The following NR4A2 variants were observed in gnomAD, a reference collection of about 807,000 sequenced individuals.
NR4A2 encodes nuclear receptor subfamily 4 group A member 2.
A neutral mutation model predicts 50.5 loss-of-function variants in NR4A2; 1 was observed. The observed-to-expected ratio is 0.02, with a 90% CI of 0.01 to 0.09. NR4A2 has a LOEUF of 0.09. Among genes scored for constraint, NR4A2 ranks in the 10% least tolerant of loss-of-function variants. NR4A2 has a pLI of 1.00. For missense variants in NR4A2, 613 were observed against 777.3 expected (o/e 0.79, Z 2.51); for synonymous variants, 328 against 309.4 (o/e 1.06, Z -0.63).
Position 156,332,567 on chromosome 2 carries a change from GGT to G in NR4A2, c.-216_-215del. On this transcript the variant is annotated 5_prime_UTR_variant, in exon 1 of 8. Transcript: ENST00000339562. Reference sequence around the variant, plus strand: ...AGCCCGGGCGCCGGGGTCGGGTAGGGGTGGGAGAGCTGGGCGAAGGGAACCCG... The same window carrying G: ...AGCCCGGGCGCCGGGGTCGGGTAGGGGGGAGAGCTGGGCGAAGGGAACCCG... 8.2e-7 allele frequency: 1 copy of G among 1,221,682 alleles called. No homozygotes were observed. Among genetic ancestry groups the G allele is most frequent in the South Asian group, 1.3e-5 (1 of 79,590 alleles). The allele number at this position is 1,221,682 out of a possible 1,614,324, so 75.7% of individuals were successfully genotyped here. A position where few individuals can be genotyped will look rare whatever the true frequency, so the allele number is the denominator to read the frequency against.
intron 1 of NR4A2, 135 bp from the exon 2 acceptor site, chr2:156,330,926 A>AAT (rs1686895487): frequency 1.5e-6 from 1 of 646,164 alleles, no homozygotes; most frequent in Admixed American, 4.3e-5. Flanking sequence ...GCCTTTACCA[A>AAT]ACATAGCACT....
Position 156,332,627 on chromosome 2 carries a change from C to T in NR4A2, c.-274G>A. ...CACGGAGGGAGGGAGCAGGGACAGG[C>T]GGCCGGCTGGACAGGCAAAAGGGAC... On this transcript the variant is annotated 5_prime_UTR_variant, in exon 1 of 8. Coordinates refer to ENST00000339562, the MANE Select transcript of NR4A2 (RefSeq NM_006186.4). 1.6e-5 allele frequency: 10 copies of T among 618,734 alleles called. No individual in the cohort carries two copies. Among genetic ancestry groups the T allele is most frequent in the South Asian group, 1.5e-4 (10 of 67,264 alleles). The allele number at this position is 618,734 out of a possible 1,614,324, so 38.3% of individuals were successfully genotyped here.
rs1162394917 is a variant in NR4A2 at position 156,325,105 on chromosome 2, C to T, written c.*639G>A. 6.6e-6 allele frequency: 1 copy of T among 152,412 alleles called. No individual in the cohort carries two copies. Among genetic ancestry groups the T allele is most frequent in the African/African-American group, 2.4e-5 (1 of 41,332 alleles). The allele number at this position is 152,412 out of a possible 1,614,324, so 9.4% of individuals were successfully genotyped here. On this transcript the variant is annotated 3_prime_UTR_variant, in exon 8 of 8. Transcript: ENST00000339562. ...TATTTATTTTCTTTTTTTTTGCAAACACACTTATCTTTTAGAATTTGTAAT... is the reference window on the plus strand; with the variant it reads ...TATTTATTTTCTTTTTTTTTGCAAATACACTTATCTTTTAGAATTTGTAAT...
chr2:156,325,905 A>T lies in NR4A2; in HGVS notation c.1636T>A (p.Leu546Met). The T allele has an allele frequency of 6.2e-7, 1 of 1,614,018 alleles. No homozygotes were observed. The highest frequency in any genetic ancestry group is 8.5e-7 in the Non-Finnish European group (1 of 1,180,014). Reference protein sequence around the residue: ...KDHVTFNNGGLNRPNYLSKLL... With the variant: ...KDHVTFNNGGMNRPNYLSKLL... ...TTGGACAAATAATTGGGGCGGTTCAACCCCCCATTGTTGAAAGTCACGTGG... is the reference window on the plus strand; with the variant it reads ...TTGGACAAATAATTGGGGCGGTTCATCCCCCCATTGTTGAAAGTCACGTGG... Residue 546 changes from leucine (L) to methionine (M), a missense_variant, in exon 8 of 8, where the codon TTG becomes ATG. Around this residue, in one of 4 missense-constraint regions of NR4A2, gnomAD observed 250 missense variants for 311.3 expected, o/e 0.80. Coordinates refer to ENST00000339562, the MANE Select transcript of NR4A2 (RefSeq NM_006186.4).
chr2:156,326,210 G>T lies in NR4A2; in HGVS notation c.1480C>A (p.Gln494Lys). The T allele has an allele frequency of 6.2e-7, 1 of 1,614,178 alleles. No individual in the cohort carries two copies. The highest frequency in any genetic ancestry group is 2.2e-5 in the East Asian group (1 of 44,882). Residue 494 changes from glutamine (Q) to lysine (K), a missense_variant, in exon 7 of 8, where the codon CAG becomes AAG. Physicochemically the swap from Gln to Lys is moderately conservative, Grantham distance 53. This residue lies in a region of NR4A2 where 250 missense variants were observed against 311.3 expected (regional missense o/e 0.80). Transcript: ENST00000339562. The surrounding 1 kb of genome is among the most constrained non-coding windows in gnomAD (Gnocchi z 4.2). ...GCAGAAATGTCGATGTTCATATTCT[G>T]CAAGTTGGAGGAGAATTCAACAATG... The part of the protein sequence containing the change: ...DSIVEFSSNL[Q>K]NMNIDISAFS...
chr2:156,330,594 G>C (rs987847137), intron 2 of NR4A2, 74 bp downstream of exon 2: 2 of 1,382,272 alleles, frequency 1.4e-6, no homozygotes, highest in Non-Finnish European at 1.9e-6. Context: ...TTAAGTTACA[G>C]GGTTTGCCTT....
intron 2 of NR4A2, among the ~76,000 whole-genome samples, chr2:156,330,465 G>A (rs1243963803): frequency 6.6e-6 from 1 of 152,136 alleles, no homozygotes; most frequent in Non-Finnish European, 1.5e-5. Context: ...ATCCCACTCA[G>A]ATGAGCCTCT....
rs1686851870 is a variant in NR4A2, at chr2:156,329,988, A to G, written c.199T>C (p.Tyr67His). The G allele has an allele frequency of 6.2e-7, 1 of 1,614,198 alleles. No homozygotes were observed. The highest frequency in any genetic ancestry group is 1.3e-5 in the African/African-American group (1 of 75,024). The change falls in exon 3 of 8, where the codon TAC (tyrosine) becomes CAC (histidine). Residue 67 changes from tyrosine (Y) to histidine (H), a missense_variant. Coordinates refer to ENST00000339562, the MANE Select transcript of NR4A2 (RefSeq NM_006186.4). This position sits in a 1 kb window ranked among gnomAD's most constrained non-coding sequence, Gnocchi z 7.5. ...LPSFSTFMDN[Y>H]STGYDVKPPC... is the part of the protein sequence containing the mutation. ...GGCTTGACGTCGTAGCCTGTGCTGT[A>G]GTTGTCCATAAAGGTACTGAAGCTG...
chr2:156,330,578 C>T, intron 2 of NR4A2, 90 bp downstream of exon 2: 2 of 1,365,402 alleles, frequency 1.5e-6, no homozygotes, highest in Non-Finnish European at 1.9e-6. Context: ...ATGGGTCGGG[C>T]AAACCTTAAG....
chr2:156,332,559 C>T lies in NR4A2; in HGVS notation c.-206G>A, dbSNP rs761916411. 3 of 1,265,398 alleles carry T rather than the reference C, an allele frequency of 2.4e-6. No homozygotes were observed. Among genetic ancestry groups the T allele is most frequent in the South Asian group, 1.2e-5 (1 of 80,540 alleles). 78.4% of individuals were successfully genotyped at this position (1,265,398 alleles called of 1,614,324 possible). On this transcript the variant is annotated 5_prime_UTR_variant, in exon 1 of 8. Coordinates refer to ENST00000339562, the MANE Select transcript of NR4A2 (RefSeq NM_006186.4). Reference sequence around the variant, plus strand: ...CCTCTGGGAGCCCGGGCGCCGGGGTCGGGTAGGGGTGGGAGAGCTGGGCGA... The same window carrying T: ...CCTCTGGGAGCCCGGGCGCCGGGGTTGGGTAGGGGTGGGAGAGCTGGGCGA...
Position 156,328,342 on chromosome 2 carries a change from G to C in NR4A2, c.994+62C>G, listed in dbSNP as rs1686751389. 5 of 1,612,326 alleles carry C rather than the reference G, an allele frequency of 3.1e-6. No homozygotes were observed. The East Asian group carries it at 1.1e-4, about 36-fold the overall frequency. On this transcript the variant is annotated intron_variant, in intron 4 of 7. Transcript: ENST00000339562. This position sits in a 1 kb window ranked among gnomAD's most constrained non-coding sequence, Gnocchi z 4.9. ...CACCGGGAAGTGGAACGTGATGCTG[G>C]AGTATGAGCAGTGGTTTCCTAAAGG... is the stretch of plus-strand genomic sequence containing the variant.
intron 1 of NR4A2, among the ~76,000 whole-genome samples, chr2:156,331,233 G>C (rs1686909533): frequency 6.6e-6 from 1 of 152,250 alleles, no homozygotes; most frequent in East Asian, 1.9e-4. Context: ...TAGAGGGGAA[G>C]AAAGTAGAAG....
At position 156,331,579 on chromosome 2, in the gene NR4A2, C is replaced by T. The variant is rs556299393; in HGVS notation, c.-126-788G>A. 3.2e-4 allele frequency among the ~76,000 whole-genome samples: 49 copies of T among 152,340 alleles called. No homozygotes were observed. The East Asian group carries it at 3.7e-3, about 11-fold the overall frequency. ...CAGCACAGCAAGATGAACACCTTCC[C>T]CATAATGCCTTCCACAATCTGCCTT... is the stretch of plus-strand genomic sequence containing the variant. On this transcript the variant is annotated intron_variant, in intron 1 of 7. Coordinates refer to ENST00000339562, the MANE Select transcript of NR4A2 (RefSeq NM_006186.4).
In NR4A2 at chr2:156,326,361, AAAAG is replaced by A. The variant is rs1686642625; in HGVS notation, c.1362-37_1362-34del. 3 of 1,587,826 alleles carry A rather than the reference AAAAG, an allele frequency of 1.9e-6. No individual in the cohort carries two copies. The East Asian group carries it at 6.7e-5, about 35-fold the overall frequency. ...TAATACCAAAGAGAGAGAGGGGAGA[AAAAG>A]AGAGAGAGAAAAGCTAAACAACTAA... On this transcript the variant is annotated intron_variant, in intron 6 of 7. Coordinates refer to ENST00000339562, the MANE Select transcript of NR4A2 (RefSeq NM_006186.4). The surrounding 1 kb of genome is among the most constrained non-coding windows in gnomAD (Gnocchi z 4.2).
chr2:156,330,831 A>C, intron 1 of NR4A2, 40 bp from the exon 2 acceptor site: 1 of 1,239,886 alleles, frequency 8.1e-7, no homozygotes, highest in Non-Finnish European at 1.0e-6. Flanking sequence ...TTTCTTCCCG[A>C]CAGAGATTCA....
Position 156,330,093 on chromosome 2 carries a change from A to G in NR4A2, c.94T>C (p.Ser32Pro). The change falls in exon 3 of 8, where the codon TCC becomes CCC. Residue 32 changes from serine (S) to proline (P), a missense_variant. By Grantham distance (74) the Ser-to-Pro change is moderately conservative. This residue lies in a region of NR4A2 where 61 missense variants were observed against 96.4 expected (regional missense o/e 0.63). Coordinates refer to ENST00000339562, the MANE Select transcript of NR4A2 (RefSeq NM_006186.4). ...YSYHSSGEYS[S>P]DFLTPEFVKF... ...ACAAACTCTGGAGTTAAGAAATCGG[A>G]GCTGTATTCTCCCGAAGAGTGGTAA... is the stretch of plus-strand genomic sequence containing the variant. 1 of 1,614,120 alleles carries G rather than the reference A, an allele frequency of 6.2e-7. No individual in the cohort carries two copies. The highest frequency in any genetic ancestry group is 8.5e-7 in the Non-Finnish European group (1 of 1,180,016).
At chr2:156,327,058 G>T (rs1301606102) in intron 5 of NR4A2, 138 bp from the exon 6 acceptor site, 13 of 795,802 alleles carry the variant, frequency 1.6e-5, no homozygotes, top group Non-Finnish European at 2.5e-5. Context: ...GAAATTAGAT[G>T]TTCCGGGGCA....
chr2:156,332,648 G>C lies in NR4A2; in HGVS notation c.-295C>G. ...CAGGCGGCCGGCTGGACAGGCAAAA[G>C]GGACCGCGGAGCCGTGCGCGAGCCG... On this transcript the variant is annotated 5_prime_UTR_variant, in exon 1 of 8. Transcript: ENST00000339562. 2.1e-6 allele frequency: 1 copy of C among 483,560 alleles called. No homozygotes were observed. Among genetic ancestry groups the C allele is most frequent in the Non-Finnish European group, 3.8e-6 (1 of 265,020 alleles). 30.0% of individuals were successfully genotyped at this position (483,560 alleles called of 1,614,324 possible). A position where few individuals can be genotyped will look rare whatever the true frequency, so the allele number is the denominator to read the frequency against.
intron 1 of NR4A2, among the ~76,000 whole-genome samples, 164 bp from the exon 2 acceptor site, chr2:156,330,955 G>T (rs1262622913): frequency 6.6e-6 from 1 of 152,174 alleles, no homozygotes; most frequent in Non-Finnish European, 1.5e-5. Flanking sequence ...ATGTATAAAA[G>T]AAATGACTTG....
Sources: allele counts gnomAD v4.1 joint callset (sites outside exome capture counted in the v4.1 genomes callset), GRCh38; gene constraint gnomAD v4.1.1; regional missense constraint gnomAD v4.1.1; non-coding constraint Gnocchi (gnomAD v3.1); transcripts MANE v1.5; gene names NCBI Gene and HGNC (gene_info 2026-07-23, HGNC 2026-07-21).